FARP2: variants seen among roughly 807,000 people sequenced by gnomAD.
FARP2 encodes FERM, ARH/RhoGEF and pleckstrin domain protein 2.
Under a neutral mutation model 130.5 loss-of-function variants are expected in FARP2, and 111 were observed. The observed-to-expected ratio is 0.85, with a 90% confidence interval of 0.73 to 1.00. The LOEUF is 1.00. Among genes scored for constraint, FARP2 ranks in the 50% least tolerant of loss-of-function variants. The pLI is 0.00. For missense variants in FARP2, 1,385 were observed against 1,346.3 expected (o/e 1.03, Z -0.45); for synonymous variants, 504 against 516.9 (o/e 0.98, Z 0.34).
chr2:241,464,035 A>G, intron 17 of FARP2, 55 bp downstream of exon 17: 13 of 1,463,614 alleles, frequency 8.9e-6, no homozygotes, highest in Non-Finnish European at 1.2e-5. Context: ...GAGCAAAACC[A>G]TCTTCCCGAA....
intron 2 of FARP2, among the ~76,000 whole-genome samples, chr2:241,392,830 C>G (rs2061938199): frequency 6.6e-6 from 1 of 151,666 alleles, no homozygotes; most frequent in Non-Finnish European, 1.5e-5. Flanking sequence ...GTAATCCCAA[C>G]TACTTAGGAG....
chr2:241,479,877 T>A (rs2064571813), intron 19 of FARP2, among the ~76,000 whole-genome samples: 1 of 152,184 alleles, frequency 6.6e-6, no homozygotes, highest in Non-Finnish European at 1.5e-5. Context: ...AAATTCGAGA[T>A]GTTTATGGAG....
intron 12 of FARP2, among the ~76,000 whole-genome samples, chr2:241,437,687 C>G (rs1406315469): frequency 1.0e-5 from 1 of 97,172 alleles, no homozygotes; most frequent in African/African-American, 3.0e-5. Flanking sequence ...TTTTTTGAGA[C>G]GGAGTCTTGC....
chr2:241,420,666 C>T (rs2062783247), intron 8 of FARP2, among the ~76,000 whole-genome samples: 2 of 152,212 alleles, frequency 1.3e-5, no homozygotes, highest in African/African-American at 4.8e-5. Flanking sequence ...CCTACCTGGT[C>T]TGCACGCCAG....
intron 13 of FARP2, chr2:241,445,050 C>T (rs2063481149): frequency 6.6e-6 from 1 of 152,240 alleles, no homozygotes; most frequent in Non-Finnish European, 1.5e-5. Flanking sequence ...CCACCCCAGC[C>T]TCCTGAGTAG....
At chr2:241,390,356 A>G (rs879310471) in intron 2 of FARP2, among the ~76,000 whole-genome samples, 3 of 152,232 alleles carry the variant, frequency 2.0e-5, no homozygotes, top group Non-Finnish European at 2.9e-5. Flanking sequence ...GTCACGAGGC[A>G]TCTTCTGGAT....
chr2:241,414,110 G>A (rs887528709), intron 7 of FARP2, among the ~76,000 whole-genome samples: 1 of 152,124 alleles, frequency 6.6e-6, no homozygotes, highest in Admixed American at 6.5e-5. Context: ...AGGAGGAGGG[G>A]ACTGTGTGAG....
rs1012198713 is a variant in FARP2, at chr2:241,493,356, G to A, written c.2959G>A (p.Asp987Asn). The A allele has an allele frequency of 2.0e-5, 32 of 1,613,844 alleles. 1 individual carries two copies. The highest frequency in any genetic ancestry group is 1.2e-4 in the African/African-American group (9 of 74,924). The change falls in exon 26 of 27, where the codon GAT becomes AAT. Residue 987 changes from aspartate (D) to asparagine (N), a missense_variant. Asp to Asn is a conservative substitution (Grantham distance 23, BLOSUM62 1). Transcript: ENST00000264042. ...CAGCGTGAGCATCCCCAGGGAGGCC[G>A]ATGGCATACACAAAGACTATGTTTT... Reference protein sequence around the residue: ...GYSVSIPREADGIHKDYVFKL... With the variant: ...GYSVSIPREANGIHKDYVFKL...
In FARP2 at chr2:241,466,691, C is replaced by CT. The variant is rs1267614066; in HGVS notation, c.1894-1449_1894-1448insT. 5.2e-4 allele frequency: 244 copies of CT among 469,680 alleles called. 5 individuals carry two copies. Among genetic ancestry groups the CT allele is most frequent in the Admixed American group, 2.4e-3 (15 of 6,300 alleles). 29.1% of individuals were successfully genotyped at this position (469,680 alleles called of 1,614,324 possible). A position where few individuals can be genotyped will look rare whatever the true frequency, so the allele number is the denominator to read the frequency against. On this transcript the variant is annotated intron_variant, in intron 17 of 26. Transcript: ENST00000264042. ...CCGCCTTCACTCCCCTTCCAACCAC[C>CT]CCCCCCCCCACCACCACCACCCGTA...
chr2:241,430,041 T>G (rs912207387), intron 8 of FARP2, among the ~76,000 whole-genome samples: 1 of 152,252 alleles, frequency 6.6e-6, no homozygotes, highest in Non-Finnish European at 1.5e-5. Context: ...ACTCTTTAAA[T>G]CCCATTCTTC....
chr2:241,375,198 G>A lies in FARP2; in HGVS notation c.183+1908G>A, dbSNP rs533810333. 2.4e-4 allele frequency among the ~76,000 whole-genome samples: 37 copies of A among 152,072 alleles called. No homozygotes were observed. In the East Asian group the frequency reaches 5.6e-3, roughly 23 times the overall value. On this transcript the variant is annotated intron_variant, in intron 2 of 26. Coordinates refer to ENST00000264042, the MANE Select transcript of FARP2 (RefSeq NM_014808.4). ...GATCCCCTGACCTCGTGATCCGCCCGCTTCGGCCTCCCAAAGTGCTGGAAT... is the reference window on the plus strand; with the variant it reads ...GATCCCCTGACCTCGTGATCCGCCCACTTCGGCCTCCCAAAGTGCTGGAAT...
intron 21 of FARP2, chr2:241,489,248 T>C (rs1294796673): frequency 2.0e-5 from 3 of 152,292 alleles, no homozygotes; most frequent in Admixed American, 2.0e-4. Context: ...CTGGCCCTCG[T>C]TCCTGACTGT....
intron 1 of FARP2, among the ~76,000 whole-genome samples, chr2:241,367,459 C>T (rs952178355): frequency 6.6e-5 from 10 of 152,112 alleles, no homozygotes; most frequent in Non-Finnish European, 1.5e-4. Flanking sequence ...AAGAAGGATC[C>T]GTCTCTTGCT....
intron 8 of FARP2, among the ~76,000 whole-genome samples, chr2:241,429,731 G>A (rs2063044877): frequency 6.6e-6 from 1 of 152,030 alleles, no homozygotes. Context: ...AAAAGGTCCT[G>A]CTGGCCTTTA....
Position 241,483,680 on chromosome 2 carries a change from C to G in FARP2, c.2331+147C>G, listed in dbSNP as rs1425541724. On this transcript the variant is annotated intron_variant, in intron 20 of 26. Coordinates refer to ENST00000264042, the MANE Select transcript of FARP2 (RefSeq NM_014808.4). ...TGGTCCAGGTGGGTAGCGTTGGAGTCAGACAGGGCCAGGGGAGGGTCACAG... is the reference window on the plus strand; with the variant it reads ...TGGTCCAGGTGGGTAGCGTTGGAGTGAGACAGGGCCAGGGGAGGGTCACAG... The G allele has an allele frequency of 9.6e-6, 12 of 1,248,312 alleles. No individual in the cohort carries two copies. In the Middle Eastern group the frequency reaches 8.8e-4, roughly 92 times the overall value. The allele number at this position is 1,248,312 out of a possible 1,614,324, so 77.3% of individuals were successfully genotyped here.
chr2:241,357,143 A>G (rs888627093), intron 1 of FARP2, among the ~76,000 whole-genome samples: 3 of 152,248 alleles, frequency 2.0e-5, no homozygotes, highest in African/African-American at 7.2e-5. Context: ...TGAAGGAAAG[A>G]TTGTCAATAC....
In FARP2 at chr2:241,441,463, C is replaced by G; in HGVS notation, c.1318C>G (p.Pro440Ala). The G allele has an allele frequency of 6.2e-7, 1 of 1,614,196 alleles. No homozygotes were observed. Among genetic ancestry groups the G allele is most frequent in the Non-Finnish European group, 8.5e-7 (1 of 1,180,032 alleles). Reference protein sequence around the residue: ...TDPQVSYVKSPAAERRSGAVA... With the variant: ...TDPQVSYVKSAAAERRSGAVA... ...TCCCCAGGTTTCCTACGTCAAGAGT[C>G]CAGCTGCAGAGAGGCGCAGTGGAGC... Residue 440 changes from proline (P) to alanine (A), a missense_variant, in exon 13 of 27, where the codon CCA (proline) becomes GCA (alanine). By Grantham distance (27) the Pro-to-Ala change is conservative (BLOSUM62 -1). Transcript: ENST00000264042.
In FARP2 at chr2:241,493,367, C is replaced by CAAAG. The variant is rs1559820272; in HGVS notation, c.2972_2975dup (p.Asp992GlufsTer19). The stretch of plus-strand genomic sequence containing the variant: ...TCCCCAGGGAGGCCGATGGCATACA[C>CAAAG]AAAGACTATGTTTTCAAGCTCCAGT... On this transcript the variant is annotated frameshift_variant, in exon 26 of 27. Transcript: ENST00000264042. LOFTEE classifies it high-confidence loss of function. 4 of 1,613,996 alleles carry CAAAG rather than the reference C, an allele frequency of 2.5e-6. No homozygotes were observed. The highest frequency in any genetic ancestry group is 3.4e-6 in the Non-Finnish European group (4 of 1,179,960).
chr2:241,422,260 CAAAAA>C (rs1198628886), intron 8 of FARP2, among the ~76,000 whole-genome samples: 2 of 91,978 alleles, frequency 2.2e-5, no homozygotes, highest in Admixed American at 1.2e-4. Context: ...ACTAAAAATA[CAAAAA>C]AAAAAAAAAA....
Sources: gnomAD v4.1 joint callset for allele counts (sites outside exome capture counted in the v4.1 genomes callset) on GRCh38, gnomAD v4.1.1 for gene constraint, MANE v1.5 for transcripts, NCBI Gene and HGNC (gene_info 2026-07-23, HGNC 2026-07-21) for gene names.